The following PSG1 variants were observed in gnomAD, a reference collection of about 807,000 sequenced individuals.
PSG1 encodes the protein pregnancy-specific beta-1-glycoprotein 1.
A neutral mutation model predicts 41.4 loss-of-function variants in PSG1; 60 were observed. The ratio of observed to expected loss-of-function variants is 1.45; its 90% confidence interval spans 1.18 to 1.80. PSG1 has a LOEUF of 1.80. Among genes scored for constraint, PSG1 ranks in the 40% most tolerant of loss-of-function variants. The pLI, the probability that PSG1 is intolerant of heterozygous loss-of-function variation, is 0.00. For synonymous variants in PSG1, 256 were observed against 192.9 expected, an observed-to-expected ratio of 1.33 and a Z score of -2.71; for missense variants, 806 against 516.9, an observed-to-expected ratio of 1.56 and a Z score of -5.42.
Position 42,877,802 on chromosome 19 carries a change from G to T in PSG1, c.430+111C>A, listed in dbSNP as rs767726465. The T allele has an allele frequency of 2.3e-5, 37 of 1,589,016 alleles. 1 individual carries two copies. The highest frequency in any genetic ancestry group is 3.1e-5 in the Non-Finnish European group (36 of 1,158,918). ...ACTAAATGCCCAAATCCCAGCATGG[G>T]ACATAACGCAGTGAGTGACACAGGC... On this transcript the variant is annotated intron_variant, in intron 2 of 5. Coordinates refer to ENST00000436291, the MANE Select transcript of PSG1 (RefSeq NM_001184825.2).
rs1176261466 is a variant in PSG1 at position 42,866,705 on chromosome 19, T to G, written c.*429A>C. 2.6e-5 allele frequency: 10 copies of G among 378,676 alleles called. No individual in the cohort carries two copies. Among genetic ancestry groups the G allele is most frequent in the Non-Finnish European group, 3.9e-5 (8 of 204,464 alleles). The allele number at this position is 378,676 out of a possible 1,614,324, so 23.5% of individuals were successfully genotyped here. ...AGGTGGAGAGAGCCACATTTCCCCC[T>G]GAGATGTTATGTAAAAGTTTGAGGT... On this transcript the variant is annotated 3_prime_UTR_variant, in exon 6 of 6. Coordinates refer to ENST00000436291, the MANE Select transcript of PSG1 (RefSeq NM_001184825.2).
At chr19:42,872,623 G>C (rs1337992413) in intron 2 of PSG1, among the ~76,000 whole-genome samples, 1 of 151,662 alleles carries the variant, frequency 6.6e-6, no homozygotes, top group Non-Finnish European at 1.5e-5. Flanking sequence ...GGAGCCACGA[G>C]GTGGGGCAGT....
Position 42,878,231 on chromosome 19 carries a change from T to C in PSG1, c.112A>G (p.Ile38Val). The change falls in exon 2 of 6, where the codon ATT becomes GTT. Residue 38 changes from isoleucine (I) to valine (V), a missense_variant. Physicochemically the swap from Ile to Val is conservative, Grantham distance 29. Coordinates refer to ENST00000436291, the MANE Select transcript of PSG1 (RefSeq NM_001184825.2). ...GAAACTTTGGTTGGCTCGGCTTCAA[T>C]CGTGACTTGGGCAGTGGTGGGCAGG... ...WNLPTTAQVT[I>V]EAEPTKVSEG... is the part of the protein sequence containing the mutation. 2 of 1,610,976 alleles carry C rather than the reference T, an allele frequency of 1.2e-6. No individual in the cohort carries two copies. The highest frequency in any genetic ancestry group is 2.2e-5 in the East Asian group (1 of 44,766).
chr19:42,867,928 G>T, intron 5 of PSG1, 173 bp downstream of exon 5: 4 of 1,542,390 alleles, frequency 2.6e-6, no homozygotes, highest in South Asian at 1.3e-5. Flanking sequence ...CAGCCTGTTT[G>T]TTAAAGTTTT....
intron 2 of PSG1, chr19:42,876,873 A>G (rs1320757971): frequency 6.6e-6 from 1 of 152,628 alleles, no homozygotes; most frequent in East Asian, 1.9e-4. Context: ...CTTGGAACCC[A>G]GTAAGCCCTC....
rs372544602 is a variant in PSG1, at chr19:42,866,682, G to A, written c.*452C>T. On this transcript the variant is annotated 3_prime_UTR_variant, in exon 6 of 6. Coordinates refer to ENST00000436291, the MANE Select transcript of PSG1 (RefSeq NM_001184825.2). ...TTCTATTGGGAGCCCTGTATGCAAGGTGGAGAGAGCCACATTTCCCCCTGA... is the reference window on the plus strand; with the variant it reads ...TTCTATTGGGAGCCCTGTATGCAAGATGGAGAGAGCCACATTTCCCCCTGA... 4 of 346,164 alleles carry A rather than the reference G, an allele frequency of 1.2e-5. No individual in the cohort carries two copies. Among genetic ancestry groups the A allele is most frequent in the South Asian group, 3.7e-5 (1 of 27,222 alleles). 21.4% of individuals were successfully genotyped at this position (346,164 alleles called of 1,614,324 possible). A position where few individuals can be genotyped will look rare whatever the true frequency, so the allele number is the denominator to read the frequency against.
In PSG1 at chr19:42,873,710, G is replaced by C. The variant is rs140412035; in HGVS notation, c.431-1665C>G. ...TTAAGTAGAGAGAGTCCCATTGAAA[G>C]GACCGAACTGGTCAGTGCATCAATT... is the stretch of plus-strand genomic sequence containing the variant. On this transcript the variant is annotated intron_variant, in intron 2 of 5. Coordinates refer to ENST00000436291, the MANE Select transcript of PSG1 (RefSeq NM_001184825.2). Among the ~76,000 whole-genome samples the C allele has an allele frequency of 8.5e-3, 1,284 of 151,720 alleles. 44 individuals are homozygous for C. The highest frequency in any genetic ancestry group is 0.03 in the African/African-American group (1,236 of 41,350).
chr19:42,874,886 G>T (rs1971541321), intron 2 of PSG1, among the ~76,000 whole-genome samples: 1 of 151,552 alleles, frequency 6.6e-6, no homozygotes, highest in Non-Finnish European at 1.5e-5. Context: ...ACAAGTTGTT[G>T]ACTTTTGAGT....
At chr19:42,869,610 G>A (rs1350310766) in intron 3 of PSG1, 2 of 158,266 alleles carry the variant, frequency 1.3e-5, no homozygotes, top group African/African-American at 4.8e-5. Context: ...ATCAGGCAGT[G>A]GAGGCTCAAG....
chr19:42,866,795 C>G lies in PSG1; in HGVS notation c.*339G>C, dbSNP rs189133461. 2 of 557,490 alleles carry G rather than the reference C, an allele frequency of 3.6e-6. No individual in the cohort carries two copies. Among genetic ancestry groups the G allele is most frequent in the East Asian group, 5.9e-5 (2 of 33,840 alleles). 34.5% of individuals were successfully genotyped at this position (557,490 alleles called of 1,614,324 possible). A position where few individuals can be genotyped will look rare whatever the true frequency, so the allele number is the denominator to read the frequency against. On this transcript the variant is annotated 3_prime_UTR_variant, in exon 6 of 6. Coordinates refer to ENST00000436291, the MANE Select transcript of PSG1 (RefSeq NM_001184825.2). ...GCTACTACATGTGAAATTCTAATGACTGCATTATCCTGCCAAGTGAAAGAG... is the reference window on the plus strand; with the variant it reads ...GCTACTACATGTGAAATTCTAATGAGTGCATTATCCTGCCAAGTGAAAGAG...
At position 42,866,761 on chromosome 19, in the gene PSG1, C is replaced by T. The variant is rs1181620317; in HGVS notation, c.*373G>A. 1.0e-5 allele frequency: 5 copies of T among 501,834 alleles called. No homozygotes were observed. The highest frequency in any genetic ancestry group is 4.9e-5 in the South Asian group (2 of 40,582). The allele number at this position is 501,834 out of a possible 1,614,324, so 31.1% of individuals were successfully genotyped here. ...TGACATATCTGACACTCTGTTGTTA[C>T]TCTCAGAAGCTACTACATGTGAAAT... On this transcript the variant is annotated 3_prime_UTR_variant, in exon 6 of 6. Coordinates refer to ENST00000436291, the MANE Select transcript of PSG1 (RefSeq NM_001184825.2).
At chr19:42,870,176 G>C (rs1440562965) in intron 3 of PSG1, 1 of 151,828 alleles carries the variant, frequency 6.6e-6, no homozygotes, top group East Asian at 1.9e-4. Context: ...GATGCCTATA[G>C]TTCACACAGA....
Position 42,868,971 on chromosome 19 carries a change from A to G in PSG1, c.773T>C (p.Leu258Ser), listed in dbSNP as rs780867943. The change falls in exon 4 of 6, where the codon TTA becomes TCA. Residue 258 changes from leucine to serine, a missense_variant. Transcript: ENST00000436291. ...ACTCTTAGGTTCACAGGTGAAGTTTAAGACATCCTTATTCTCCCTGGGGTT... is the reference window on the plus strand; with the variant it reads ...ACTCTTAGGTTCACAGGTGAAGTTTGAGACATCCTTATTCTCCCTGGGGTT... ...NLNPRENKDV[L>S]NFTCEPKSEN... 18 of 1,610,482 alleles carry G rather than the reference A, an allele frequency of 1.1e-5. 1 individual carries two copies. The highest frequency in any genetic ancestry group is 1.3e-5 in the Non-Finnish European group (15 of 1,179,060).
Position 42,871,996 on chromosome 19 carries a change from C to T in PSG1, c.480G>A (p.Glu160=), listed in dbSNP as rs374878866. ...SISSSNLNPR[E]TMEAVSLTCD... is the part of the protein sequence containing the mutation. Reference sequence around the variant, plus strand: ...AGGTTAAGCTCACAGCCTCCATGGTCTCCCTGGGATTTAAGTTGCTGCTGG... The same window carrying T: ...AGGTTAAGCTCACAGCCTCCATGGTTTCCCTGGGATTTAAGTTGCTGCTGG... Residue 160 remains glutamate (E), a synonymous_variant, in exon 3 of 6, where the codon GAG becomes GAA. Coordinates refer to ENST00000436291, the MANE Select transcript of PSG1 (RefSeq NM_001184825.2). The T allele has an allele frequency of 1.4e-4, 220 of 1,612,458 alleles. 13 individuals carry two copies. The South Asian group carries it at 2.0e-3, about 15-fold the overall frequency.
Position 42,871,886 on chromosome 19 carries a change from T to C in PSG1, c.590A>G (p.Glu197Gly). ...LPMTHSLKLS[E>G]TNRTLFLLGV... ...CAATAGAAAGAGGGTCCTGTTGGTT[T>C]CGGACAGCTTCAAGCTGTGAGTCAT... Residue 197 changes from glutamate (E) to glycine (G), a missense_variant, in exon 3 of 6, where the codon GAA becomes GGA. Coordinates refer to ENST00000436291, the MANE Select transcript of PSG1 (RefSeq NM_001184825.2). 1.9e-6 allele frequency: 3 copies of C among 1,612,502 alleles called. No homozygotes were observed. The highest frequency in any genetic ancestry group is 2.5e-6 in the Non-Finnish European group (3 of 1,179,222).
intron 5 of PSG1, chr19:42,867,403 A>G (rs1971176472): frequency 3.5e-6 from 2 of 572,848 alleles, no homozygotes; most frequent in Non-Finnish European, 6.2e-6. Flanking sequence ...TCTTTTCTCT[A>G]AGTTTTTATA....
At chr19:42,875,737 G>C (rs150061687) in intron 2 of PSG1, among the ~76,000 whole-genome samples, 19,157 of 151,122 alleles carry the variant, frequency 0.13, 1,662 homozygotes, top group Admixed American at 0.17. Flanking sequence ...ATAAACCTCT[G>C]TCCTCCTGTT....
Position 42,872,145 on chromosome 19 carries a change from C to A in PSG1, c.431-100G>T, listed in dbSNP as rs1310503617. 11 of 1,481,558 alleles carry A rather than the reference C, an allele frequency of 7.4e-6. 1 individual carries two copies. Among genetic ancestry groups the A allele is most frequent in the Non-Finnish European group, 9.1e-6 (10 of 1,097,890 alleles). 91.8% of individuals were successfully genotyped at this position (1,481,558 alleles called of 1,614,324 possible). ...TGGCATTTCCCACCTCTCAGCCCAC[C>A]CAAGTCCTTAAAAGCCCATGGCAGG... On this transcript the variant is annotated intron_variant, in intron 2 of 5. Transcript: ENST00000436291.
intron 3 of PSG1, 31 bp from the exon 4 acceptor site, chr19:42,869,065 G>A (rs1264582190): frequency 1.4e-5 from 23 of 1,596,742 alleles, no homozygotes; most frequent in Non-Finnish European, 1.9e-5. Context: ...AGATTGTCCT[G>A]TGTGGCACCT....
Sources: allele counts gnomAD v4.1 joint callset (sites outside exome capture counted in the v4.1 genomes callset), GRCh38; gene constraint gnomAD v4.1.1; transcripts MANE v1.5; gene names NCBI Gene and HGNC (gene_info 2026-07-23, HGNC 2026-07-21).